The following KIDINS220 variants were observed in gnomAD, a reference collection of about 807,000 sequenced individuals.
The protein encoded by KIDINS220 is kinase D interacting substrate 220, also known as kinase D-interacting substrate of 220 kDa.
KIDINS220 carries 63 observed loss-of-function variants against 157.6 expected under a neutral mutation model. That is an observed-to-expected ratio of 0.40 (90% CI 0.33 to 0.49). The LOEUF (loss-of-function observed/expected upper bound fraction) is 0.49, where lower values mean the gene tolerates loss of function less well. Ranked by LOEUF, KIDINS220 falls within the 20% of genes least tolerant of loss-of-function variation. The pLI is 0.66. For missense variants in KIDINS220, 1,772 were observed against 2,171.2 expected (o/e 0.82, Z 3.65); for synonymous variants, 732 against 783.6 (o/e 0.93, Z 1.10).
At chr2:8,778,517 A>C in intron 20 of KIDINS220, 122 bp downstream of exon 20, 1 of 764,246 alleles carries the variant, frequency 1.3e-6, no homozygotes, top group Non-Finnish European at 2.3e-6. Flanking sequence ...AAATTCAATG[A>C]TAATGTTTAT....
At position 8,798,390 on chromosome 2, in the gene KIDINS220, C is replaced by T. The variant is rs1386634100; in HGVS notation, c.901-90G>A. 7 of 731,872 alleles carry T rather than the reference C, an allele frequency of 9.6e-6. No individual in the cohort carries two copies. In the East Asian group the frequency reaches 1.6e-4, roughly 17 times the overall value. The allele number at this position is 731,872 out of a possible 1,614,324, so 45.3% of individuals were successfully genotyped here. A position where few individuals can be genotyped will look rare whatever the true frequency, so the allele number is the denominator to read the frequency against. On this transcript the variant is annotated intron_variant, in intron 9 of 29. Transcript: ENST00000256707. ...AATACAAAACATTTCTGTCAGAAAG[C>T]ATTCCAACAGGCAGCATGGTAGGAA...
chr2:8,818,283 T>G (rs983121097), intron 3 of KIDINS220, among the ~76,000 whole-genome samples: 5 of 152,054 alleles, frequency 3.3e-5, no homozygotes, highest in African/African-American at 1.2e-4. Context: ...TCAGAGGAAA[T>G]GTAACCGTGT....
chr2:8,786,102 T>C, intron 16 of KIDINS220, 72 bp from the exon 17 acceptor site: 4 of 1,555,724 alleles, frequency 2.6e-6, no homozygotes, highest in Non-Finnish European at 3.5e-6. Context: ...ATAGTCACAA[T>C]ACCTGATGAG....
intron 1 of KIDINS220, among the ~76,000 whole-genome samples, chr2:8,829,170 G>A (rs1045341188): frequency 6.6e-6 from 1 of 152,220 alleles, no homozygotes; most frequent in African/African-American, 2.4e-5. Flanking sequence ...TAAGGCAGGG[G>A]AATGAGATGG....
At chr2:8,740,674 C>T (rs1452440198) in intron 26 of KIDINS220, among the ~76,000 whole-genome samples, 1 of 152,130 alleles carries the variant, frequency 6.6e-6, no homozygotes, top group African/African-American at 2.4e-5. Flanking sequence ...GGGTATGTGG[C>T]ACATAATAGA....
intron 17 of KIDINS220, among the ~76,000 whole-genome samples, chr2:8,781,914 G>C (rs895324977): frequency 6.6e-6 from 1 of 152,106 alleles, no homozygotes; most frequent in Non-Finnish European, 1.5e-5. Context: ...TTGAGCTCAG[G>C]AGTTCGAGAC....
In KIDINS220 at chr2:8,734,643, C is replaced by A. The variant is rs1192525725; in HGVS notation, c.3816+12G>T. The A allele has an allele frequency of 1.3e-6, 2 of 1,530,004 alleles. No homozygotes were observed. The highest frequency in any genetic ancestry group is 1.8e-6 in the Non-Finnish European group (2 of 1,108,396). 94.8% of individuals were successfully genotyped at this position (1,530,004 alleles called of 1,614,324 possible). On this transcript the variant is annotated intron_variant, in intron 28 of 29. Transcript: ENST00000256707. ...TAATGTTGTAAACATCACAATGTTA[C>A]AAATATCTTACTGTGCTTCTGAAAA...
intron 2 of KIDINS220, among the ~76,000 whole-genome samples, chr2:8,823,520 A>G (rs1298449528): frequency 6.6e-6 from 1 of 152,108 alleles, no homozygotes; most frequent in East Asian, 1.9e-4. Flanking sequence ...TTAAAACTCC[A>G]ATTTAAATTG....
intron 9 of KIDINS220, chr2:8,800,061 AT>A (rs1164514066): frequency 1.5e-5 from 3 of 194,854 alleles, no homozygotes; most frequent in South Asian, 1.9e-4. Flanking sequence ...ACTAAAAAAA[AT>A]AAATAAGTAC....
At chr2:8,792,586 C>T (rs766813974) in intron 12 of KIDINS220, among the ~76,000 whole-genome samples, 1 of 152,164 alleles carries the variant, frequency 6.6e-6, no homozygotes, top group Non-Finnish European at 1.5e-5. Flanking sequence ...ATGAGATTTT[C>T]TTTTCTTATT....
intron 28 of KIDINS220, 37 bp downstream of exon 28, chr2:8,734,618 T>C (rs1346723334): frequency 1.5e-6 from 2 of 1,360,502 alleles, no homozygotes; most frequent in South Asian, 2.4e-5. Flanking sequence ...TATCATAAAA[T>C]AATGTTGTAA....
intron 26 of KIDINS220, 69 bp downstream of exon 26, chr2:8,747,072 CAATT>C: frequency 7.3e-7 from 1 of 1,370,490 alleles, no homozygotes; most frequent in East Asian, 2.3e-5. Context: ...GCTATCATCA[CAATT>C]AAGACAGTCA....
chr2:8,768,710 TTC>T (rs1332513199), intron 22 of KIDINS220, among the ~76,000 whole-genome samples: 1 of 152,182 alleles, frequency 6.6e-6, no homozygotes, highest in African/African-American at 2.4e-5. Flanking sequence ...AAATAAAACT[TTC>T]TCTTATTCAA....
chr2:8,812,599 T>C (rs1023786065), intron 5 of KIDINS220, 106 bp from the exon 6 acceptor site: 2 of 472,530 alleles, frequency 4.2e-6, no homozygotes, highest in Non-Finnish European at 3.7e-6. Context: ...TTTAGGTAGA[T>C]ATTTACAACA....
At chr2:8,728,264 C>T (rs1663538807), downstream of KIDINS220, among the ~76,000 whole-genome samples, 1 of 152,156 alleles carries the variant, frequency 6.6e-6, no homozygotes, top group Admixed American at 6.5e-5. Context: ...GTCGAGGCTG[C>T]AGTGAGCCAT....
At chr2:8,740,726 C>T (rs957704029) in intron 26 of KIDINS220, among the ~76,000 whole-genome samples, 2 of 152,182 alleles carry the variant, frequency 1.3e-5, no homozygotes, top group African/African-American at 4.8e-5. Context: ...CAAGAGGCTT[C>T]TAGCTCGAGA....
intron 2 of KIDINS220, among the ~76,000 whole-genome samples, chr2:8,819,321 C>A (rs1409061776): frequency 6.6e-6 from 1 of 152,072 alleles, no homozygotes; most frequent in Non-Finnish European, 1.5e-5. Flanking sequence ...AAATAAAGCT[C>A]CTACTGCTGA....
At chr2:8,740,905 T>C (rs1665532702) in intron 26 of KIDINS220, among the ~76,000 whole-genome samples, 2 of 152,256 alleles carry the variant, frequency 1.3e-5, no homozygotes, top group Admixed American at 1.3e-4. Context: ...ACTGGCAATT[T>C]GTACCAAAGT....
chr2:8,722,453 C>T (rs1413546091), downstream of KIDINS220: 2 of 152,184 alleles, frequency 1.3e-5, no homozygotes, highest in African/African-American at 4.8e-5. Context: ...TTACCAATCC[C>T]TGCTTACACC....
Sources: gnomAD v4.1 joint callset for allele counts (sites outside exome capture counted in the v4.1 genomes callset) on GRCh38, gnomAD v4.1.1 for gene constraint, MANE v1.5 for transcripts, NCBI Gene and HGNC (gene_info 2026-07-23, HGNC 2026-07-21) for gene names.